The following ANKRD36C variants were observed in gnomAD, a reference collection of about 807,000 sequenced individuals.
The protein encoded by ANKRD36C is ankyrin repeat domain 36C.
In ANKRD36C, 61 loss-of-function variants were observed where a neutral mutation model predicts 276.4. The observed-to-expected ratio is 0.22, with a 90% CI of 0.18 to 0.27. The LOEUF (loss-of-function observed/expected upper bound fraction) is 0.27, where lower values mean the gene tolerates loss of function less well. Ranked by LOEUF, ANKRD36C falls within the 10% of genes least tolerant of loss-of-function variation. ANKRD36C has a pLI of 1.00. For missense variants in ANKRD36C, 1,447 were observed against 2,032.3 expected (o/e 0.71, Z 5.54); for synonymous variants, 483 against 680.1 (o/e 0.71, Z 4.51).
At chr2:95,933,485 C>A (rs1023714507) in intron 24 of ANKRD36C, among the ~76,000 whole-genome samples, 1 of 152,118 alleles carries the variant, frequency 6.6e-6, no homozygotes, top group African/African-American at 2.4e-5. Context: ...TTGAAGAGGT[C>A]TTTCTCATCC....
At chr2:95,986,298 A>C (rs1291017491) in intron 3 of ANKRD36C, among the ~76,000 whole-genome samples, 1 of 152,102 alleles carries the variant, frequency 6.6e-6, no homozygotes, top group Non-Finnish European at 1.5e-5. Flanking sequence ...CTTTCAGATG[A>C]AATCACCTTC....
At position 95,974,458 on chromosome 2, in the gene ANKRD36C, A is replaced by G. The variant is rs1322405012; in HGVS notation, c.799+3664T>C. Among the ~76,000 whole-genome samples, 6 of 152,332 alleles carry G rather than the reference A, an allele frequency of 3.9e-5. No individual in the cohort carries two copies. In the East Asian group the frequency reaches 1.2e-3, roughly 29 times the overall value. On this transcript the variant is annotated intron_variant, in intron 6 of 66. Transcript: ENST00000456556. The stretch of plus-strand genomic sequence containing the variant: ...CCTGTGTTAGAAATGTGTTCTAATA[A>G]TATTTTCTTTAGGGATGAAATTCAA...
At chr2:95,991,122 A>G (rs1056757700) in intron 1 of ANKRD36C, among the ~76,000 whole-genome samples, 42 of 100,404 alleles carry the variant, frequency 4.2e-4, no homozygotes, top group African/African-American at 1.7e-3. Flanking sequence ...CGCCCCCCTC[A>G]CCTCTGCACC....
intron 3 of ANKRD36C, 92 bp downstream of exon 3, chr2:95,986,659 G>A (rs1305164997): frequency 1.6e-5 from 18 of 1,124,326 alleles, no homozygotes; most frequent in Non-Finnish European, 1.6e-5. Flanking sequence ...GAATGTTTGA[G>A]CTTCCAAATA....
chr2:95,980,580 G>T, intron 5 of ANKRD36C, 68 bp downstream of exon 5: 2 of 1,546,236 alleles, frequency 1.3e-6, no homozygotes, highest in African/African-American at 1.4e-5. Flanking sequence ...TGATATATAA[G>T]ATGCAATTGC....
At chr2:95,948,472 A>G (rs1021750045) in intron 17 of ANKRD36C, 58 bp downstream of exon 17, 9 of 1,484,862 alleles carry the variant, frequency 6.1e-6, no homozygotes, top group Non-Finnish European at 9.0e-7. Context: ...TTAGAAGAAA[A>G]TAATATAAAA....
At chr2:95,893,455 C>T in intron 44 of ANKRD36C, 78 bp downstream of exon 64, 2 of 1,519,220 alleles carry the variant, frequency 1.3e-6, no homozygotes, top group Non-Finnish European at 8.9e-7. Context: ...TCGACGAGCC[C>T]CCCGCTGATT....
At chr2:95,865,552 C>T (rs1675667290) in intron 60 of ANKRD36C, among the ~76,000 whole-genome samples, 1 of 152,028 alleles carries the variant, frequency 6.6e-6, no homozygotes, top group Non-Finnish European at 1.5e-5. Flanking sequence ...GGAATATTTG[C>T]ATATACATGA....
intron 6 of ANKRD36C, among the ~76,000 whole-genome samples, chr2:95,976,342 C>T (rs1402232796): frequency 6.6e-6 from 1 of 152,142 alleles, no homozygotes; most frequent in African/African-American, 2.4e-5. Flanking sequence ...CTGTAGACTA[C>T]TTCTGATTGA....
intron 6 of ANKRD36C, among the ~76,000 whole-genome samples, chr2:95,975,181 A>G (rs1678782976): frequency 6.6e-6 from 1 of 152,174 alleles, no homozygotes; most frequent in Non-Finnish European, 1.5e-5. Context: ...AAGAATCAAT[A>G]TCGTGAAAAT....
rs1282399022 is a variant in ANKRD36C, at chr2:95,893,532, C to A, written c.2756-1672G>T. The A allele has an allele frequency of 6.5e-7, 1 of 1,543,792 alleles. No homozygotes were observed. The highest frequency in any genetic ancestry group is 8.7e-7 in the Non-Finnish European group (1 of 1,144,422). On this transcript the variant is annotated intron_variant, in intron 44 of 66. Coordinates refer to ENST00000456556, the Ensembl canonical transcript of ANKRD36C. Reference sequence around the variant, plus strand: ...GACATTAAATCTGTTTTCAAAATTACCTGTTCTAGATTTTTCTCCATCCTT... The same window carrying A: ...GACATTAAATCTGTTTTCAAAATTAACTGTTCTAGATTTTTCTCCATCCTT...
chr2:95,944,436 T>C (rs936694058), intron 19 of ANKRD36C, among the ~76,000 whole-genome samples, 191 bp downstream of exon 19: 1 of 152,198 alleles, frequency 6.6e-6, no homozygotes, highest in Non-Finnish European at 1.5e-5. Context: ...GAACTTCCAT[T>C]CCTTTATAGG....
rs771534620 is a variant in ANKRD36C, at chr2:95,893,739, G to T, written c.2756-1879C>A. On this transcript the variant is annotated intron_variant, in intron 44 of 66. Transcript: ENST00000456556. The stretch of plus-strand genomic sequence containing the variant: ...CTGAGAAGACACTGAAAAGCAAAAG[G>T]GATTCATAATCACTCATATGTAAAT... 6.2e-7 allele frequency: 1 copy of T among 1,604,844 alleles called. No homozygotes were observed. Among genetic ancestry groups the T allele is most frequent in the Non-Finnish European group, 8.5e-7 (1 of 1,177,204 alleles).
At chr2:95,876,603 G>C in intron 58 of ANKRD36C, 91 bp from the exon 79 acceptor site, 1 of 673,396 alleles carries the variant, frequency 1.5e-6, no homozygotes, top group Non-Finnish European at 2.7e-6. Flanking sequence ...TGTAATCCCA[G>C]CACTTTGGGA....
chr2:95,854,967 G>A lies in ANKRD36C; in HGVS notation c.4995+299C>T, dbSNP rs1345911462. 2.6e-5 allele frequency among the ~76,000 whole-genome samples: 4 copies of A among 152,056 alleles called. No individual in the cohort carries two copies. In the South Asian group the frequency reaches 8.3e-4, roughly 32 times the overall value. On this transcript the variant is annotated intron_variant, in intron 63 of 66. Transcript: ENST00000456556. ...TGATTTATCATGGTCTTAAAATGTT[G>A]CAACATAAATACATTAAAATTATTA... is the stretch of plus-strand genomic sequence containing the variant.
At chr2:95,873,947 A>C (rs1050562611) in intron 59 of ANKRD36C, among the ~76,000 whole-genome samples, 3 of 152,180 alleles carry the variant, frequency 2.0e-5, no homozygotes, top group South Asian at 4.1e-4. Flanking sequence ...AAGAGAATAA[A>C]ATACCTAGGA....
In ANKRD36C at chr2:95,891,729, A is replaced by T. The variant is rs921676174; in HGVS notation, c.2793T>A (p.Ser931Arg). Residue 931 changes from serine (S) to arginine (R), a missense_variant, in exon 46 of 67, where the codon AGT (serine) becomes AGA (arginine). Around this residue, in one of 13 missense-constraint regions of ANKRD36C, gnomAD observed 565 missense variants for 539.5 expected, o/e 1.05. Transcript: ENST00000456556. ...TATTCAAAACAGAATCTTTCTCGTC[A>T]CTTGTAGCCTGAATGGAATTTGAAA... The T allele has an allele frequency of 8.9e-5, 140 of 1,581,744 alleles. No homozygotes were observed. In the African/African-American group the frequency reaches 1.5e-3, roughly 17 times the overall value.
intron 42 of ANKRD36C, among the ~76,000 whole-genome samples, chr2:95,910,804 T>A (rs192388111): frequency 1.7e-4 from 25 of 151,460 alleles, no homozygotes; most frequent in Non-Finnish European, 1.0e-4. Context: ...CTCATATGTC[T>A]AAAACTAAAA....
At chr2:95,893,770 A>G in intron 44 of ANKRD36C, 46 bp from the exon 63 acceptor site, 2 of 1,602,472 alleles carry the variant, frequency 1.2e-6, no homozygotes, top group East Asian at 4.5e-5. Context: ...TAAATATGAC[A>G]AAGATATCCA....
Sources: gnomAD v4.1 joint callset for allele counts (sites outside exome capture counted in the v4.1 genomes callset) on GRCh38, gnomAD v4.1.1 for gene constraint, gnomAD v4.1.1 regional missense constraint, MANE v1.5 for transcripts, NCBI Gene and HGNC (gene_info 2026-07-23, HGNC 2026-07-21) for gene names.